Variants in RALA observed in about 807,000 individuals in gnomAD.
The protein encoded by RALA is RAS like proto-oncogene A.
RALA carries 5 observed loss-of-function variants against 24.0 expected under a neutral mutation model. The observed-to-expected ratio is 0.21, with a 90% CI of 0.11 to 0.44. The LOEUF (loss-of-function observed/expected upper bound fraction) is 0.44. Ranked by LOEUF, RALA falls within the 20% of genes least tolerant of loss-of-function variation. The probability of loss-of-function intolerance (pLI) is 0.99; values close to 1 mark genes in which losing one functional copy is unlikely to be tolerated. For missense variants in RALA, 95 were observed against 241.2 expected (o/e 0.39, Z 4.01); for synonymous variants, 77 against 83.8 (o/e 0.92, Z 0.44).
chr7:39,695,244 CTT>C (rs1184649640), intron 3 of RALA, among the ~76,000 whole-genome samples: 1 of 152,084 alleles, frequency 6.6e-6, no homozygotes, highest in African/African-American at 2.4e-5. Flanking sequence ...AGTCAAGTCT[CTT>C]CTATAAAATG....
chr7:39,643,382 T>TA (rs1320416029), intron 1 of RALA, among the ~76,000 whole-genome samples: 1 of 152,162 alleles, frequency 6.6e-6, no homozygotes, highest in Non-Finnish European at 1.5e-5. Flanking sequence ...GGCAGGCACA[T>TA]AGGCAGTAGT....
intron 1 of RALA, among the ~76,000 whole-genome samples, chr7:39,680,524 C>T (rs960971708): frequency 2.7e-5 from 4 of 150,454 alleles, no homozygotes; most frequent in Non-Finnish European, 3.0e-5. Flanking sequence ...TGCAGTGAGC[C>T]GAGAGTGCGC....
intron 1 of RALA, among the ~76,000 whole-genome samples, chr7:39,652,915 A>AC (rs1792041949): frequency 6.6e-6 from 1 of 150,708 alleles, no homozygotes; most frequent in Non-Finnish European, 1.5e-5. Flanking sequence ...ACAGGCATGC[A>AC]CCACCATACA....
chr7:39,638,326 A>G (rs6961667), intron 1 of RALA, among the ~76,000 whole-genome samples: 105,827 of 152,062 alleles, frequency 0.7, 37,426 homozygotes, highest in African/African-American at 0.82. Flanking sequence ...GATCTTCATA[A>G]ATTTGCCCTT....
At chr7:39,696,940 C>G in intron 4 of RALA, 81 bp downstream of exon 4, 3 of 1,309,456 alleles carry the variant, frequency 2.3e-6, no homozygotes, top group Non-Finnish European at 2.1e-6. Flanking sequence ...TCTGGAGAGT[C>G]TATGAAACTT....
chr7:39,659,513 A>G (rs1202577720), intron 1 of RALA, among the ~76,000 whole-genome samples: 4 of 152,166 alleles, frequency 2.6e-5, no homozygotes, highest in African/African-American at 9.7e-5. Flanking sequence ...AGTAGTGAGC[A>G]GGCTGTAGTT....
chr7:39,697,366 T>G (rs764633551), intron 4 of RALA: 14 of 456,660 alleles, frequency 3.1e-5, no homozygotes, highest in South Asian at 1.1e-4. Flanking sequence ...GAAAGGAAAG[T>G]AAACACTCTG....
Position 39,707,315 on chromosome 7 carries a change from TATTC to T in RALA, c.*1073_*1076del, listed in dbSNP as rs1445349744. On this transcript the variant is annotated 3_prime_UTR_variant, in exon 5 of 5. Coordinates refer to ENST00000005257, the MANE Select transcript of RALA (RefSeq NM_005402.4). ...TTTGCACTAGAACGCTTCGGGAAAA[TATTC>T]ATGCTTGCCATCTGTTCATTTCTAA... The T allele has an allele frequency of 6.6e-6, 1 of 152,188 alleles. No individual in the cohort carries two copies. Among genetic ancestry groups the T allele is most frequent in the Admixed American group, 6.5e-5 (1 of 15,270 alleles). The allele number at this position is 152,188 out of a possible 1,614,324, so 9.4% of individuals were successfully genotyped here.
At chr7:39,657,693 A>G (rs1187841655) in intron 1 of RALA, among the ~76,000 whole-genome samples, 5 of 152,120 alleles carry the variant, frequency 3.3e-5, no homozygotes, top group Non-Finnish European at 7.4e-5. Flanking sequence ...AGGCTGGGGC[A>G]GGAGGATTGC....
In RALA at chr7:39,697,389, G is replaced by A. The variant is rs1360197683; in HGVS notation, c.498+530G>A. On this transcript the variant is annotated intron_variant, in intron 4 of 4. Coordinates refer to ENST00000005257, the MANE Select transcript of RALA (RefSeq NM_005402.4). ...AGTAAACACTCTGCCCTCCTTTCTT[G>A]TCTTCTCGCTTTGTTCAGAGTGGCC... 4 of 456,548 alleles carry A rather than the reference G, an allele frequency of 8.8e-6. No individual in the cohort carries two copies. The Admixed American group carries it at 9.4e-5, about 11-fold the overall frequency. The allele number at this position is 456,548 out of a possible 1,614,324, so 28.3% of individuals were successfully genotyped here.
At chr7:39,697,739 C>G (rs1477326548) in intron 4 of RALA, among the ~76,000 whole-genome samples, 4 of 152,010 alleles carry the variant, frequency 2.6e-5, no homozygotes, top group Non-Finnish European at 5.9e-5. Flanking sequence ...GATTTATAAC[C>G]CTGATCCAGA....
chr7:39,682,005 C>G (rs2116054156), intron 1 of RALA, among the ~76,000 whole-genome samples: 1 of 152,312 alleles, frequency 6.6e-6, no homozygotes, highest in East Asian at 1.9e-4. Context: ...GAAGTCCTAT[C>G]AACTGTTTCT....
intron 1 of RALA, among the ~76,000 whole-genome samples, chr7:39,678,991 G>A (rs1792539177): frequency 6.6e-6 from 1 of 151,144 alleles, no homozygotes; most frequent in African/African-American, 2.4e-5. Context: ...CCAAATATAT[G>A]AACAGGCAAA....
chr7:39,657,287 C>G (rs1792115443), intron 1 of RALA, among the ~76,000 whole-genome samples: 1 of 152,162 alleles, frequency 6.6e-6, no homozygotes, highest in South Asian at 2.1e-4. Flanking sequence ...AACTCCACCA[C>G]AACTCTCTGG....
intron 1 of RALA, among the ~76,000 whole-genome samples, chr7:39,665,539 C>T (rs1792270871): frequency 6.6e-6 from 1 of 151,856 alleles, no homozygotes; most frequent in East Asian, 1.9e-4. Flanking sequence ...ATCCAAGAGT[C>T]GACTGTATAA....
Position 39,696,968 on chromosome 7 carries a change from C to G in RALA, c.498+109C>G, listed in dbSNP as rs1583757989. The G allele has an allele frequency of 2.8e-5, 30 of 1,089,720 alleles. No individual in the cohort carries two copies. In the East Asian group the frequency reaches 6.6e-4, roughly 24 times the overall value. 67.5% of individuals were successfully genotyped at this position (1,089,720 alleles called of 1,614,324 possible). A position where few individuals can be genotyped will look rare whatever the true frequency, so the allele number is the denominator to read the frequency against. ...TGAAACTTTCAAATAGAGGTTTAAT[C>G]CTTGTTGATTTTTATCATCCCTGAA... is the stretch of plus-strand genomic sequence containing the variant. On this transcript the variant is annotated intron_variant, in intron 4 of 4. Transcript: ENST00000005257.
chr7:39,626,504 T>C (rs1791490594), intron 1 of RALA, among the ~76,000 whole-genome samples: 1 of 152,208 alleles, frequency 6.6e-6, no homozygotes, highest in African/African-American at 2.4e-5. Context: ...TTCCTCTCTC[T>C]TGGACATCAA....
intron 1 of RALA, among the ~76,000 whole-genome samples, chr7:39,674,761 A>G (rs948374827): frequency 6.6e-6 from 1 of 151,808 alleles, no homozygotes; most frequent in Non-Finnish European, 1.5e-5. Context: ...CTAAACATGA[A>G]ATGCATTTAT....
chr7:39,671,044 C>G (rs544814558), intron 1 of RALA, among the ~76,000 whole-genome samples: 9 of 152,136 alleles, frequency 5.9e-5, no homozygotes, highest in Non-Finnish European at 1.3e-4. Flanking sequence ...TTACCCCTCA[C>G]AACTAATCTA....
Sources: gnomAD v4.1 joint callset for allele counts (sites outside exome capture counted in the v4.1 genomes callset) on GRCh38, gnomAD v4.1.1 for gene constraint, MANE v1.5 for transcripts, NCBI Gene and HGNC (gene_info 2026-07-23, HGNC 2026-07-21) for gene names.